KANK3: variants seen among roughly 807,000 people sequenced by gnomAD.
KANK3 encodes KN motif and ankyrin repeat domain-containing protein 3.
Under a neutral mutation model 65.4 loss-of-function variants are expected in KANK3, and 61 were observed. That is an observed-to-expected ratio of 0.93 (90% confidence interval 0.76 to 1.15). The LOEUF is 1.15. Ranked by LOEUF, KANK3 falls within the 50% of genes most tolerant of loss-of-function variation. The pLI, the probability that KANK3 is intolerant of heterozygous loss-of-function variation, is 0.00. For synonymous variants in KANK3, 586 were observed against 543.3 expected (o/e 1.08, Z -1.09); for missense variants, 1,187 against 1,178.8 (o/e 1.01, Z -0.10).
intron 7 of KANK3, among the ~76,000 whole-genome samples, chr19:8,325,336 G>A (rs896723945): frequency 2.0e-5 from 2 of 101,772 alleles, no homozygotes; most frequent in African/African-American, 4.1e-5. Context: ...ACATAGTCTC[G>A]CTCTGTCACC....
intron 7 of KANK3, among the ~76,000 whole-genome samples, chr19:8,329,302 C>A (rs1165213160): frequency 6.6e-6 from 1 of 151,084 alleles, no homozygotes; most frequent in African/African-American, 2.4e-5. Flanking sequence ...GCCTGGCCAA[C>A]ATGGTGAAAC....
At chr19:8,334,478 C>T (rs771717450) in intron 3 of KANK3, 22 bp downstream of exon 3, 1 of 1,608,558 alleles carries the variant, frequency 6.2e-7, no homozygotes, top group Non-Finnish European at 8.5e-7. Context: ...AGCCAGGGCC[C>T]AGCGACGGGG....
chr19:8,332,987 T>TGGGCCC, intron 7 of KANK3, 27 bp downstream of exon 7: 1 of 395,196 alleles, frequency 2.5e-6, no homozygotes, highest in Non-Finnish European at 4.8e-6. Context: ...TTTCCTGGTG[T>TGGGCCC]CCCACCCACC....
At chr19:8,331,220 G>T (rs560244481) in intron 7 of KANK3, among the ~76,000 whole-genome samples, 6 of 51,292 alleles carry the variant, frequency 1.2e-4, no homozygotes, top group African/African-American at 6.0e-4. Flanking sequence ...AAAAAGGGGT[G>T]GGGGGGGGAT....
Position 8,324,849 on chromosome 19 carries a change from G to A in KANK3, c.2083-19C>T. 1.2e-6 allele frequency: 2 copies of A among 1,605,932 alleles called. No individual in the cohort carries two copies. Among genetic ancestry groups the A allele is most frequent in the South Asian group, 1.1e-5 (1 of 90,882 alleles). ...GCCCCGTCTGGGGAGTGGGGAGGAA[G>A]AGGGAACAGGCTGGGGTAGGCTCAG... On this transcript the variant is annotated intron_variant, in intron 8 of 10. Transcript: ENST00000330915.
chr19:8,333,761 CGCT>C lies in KANK3; in HGVS notation c.1679_1681del (p.Gln560del). On this transcript the variant is annotated inframe_deletion, in exon 6 of 11. Transcript: ENST00000330915. The surrounding 1 kb of genome is among the most constrained non-coding windows in gnomAD (Gnocchi z 5.0). ...TACTCCGCGGGGCCGGCTCAGCTGC[CGCT>C]GCAGCGCTACGCACGCCTCCCTCAG... 6.7e-7 allele frequency: 1 copy of C among 1,490,372 alleles called. No individual in the cohort carries two copies. Among genetic ancestry groups the C allele is most frequent in the Non-Finnish European group, 9.0e-7 (1 of 1,117,118 alleles). 92.3% of individuals were successfully genotyped at this position (1,490,372 alleles called of 1,614,324 possible).
chr19:8,324,718 G>A lies in KANK3; in HGVS notation c.2195C>T (p.Ala732Val), dbSNP rs759934875. Residue 732 changes from alanine (A) to valine (V), a missense_variant, in exon 9 of 11, where the codon GCG (alanine) becomes GTG (valine). Transcript: ENST00000330915. ...VNAQDADGAT[A>V]LMCASEYGRL... The stretch of plus-strand genomic sequence containing the variant: ...CCCATACTCACTGGCACACATCAGC[G>A]CTGTGGCCCCATCCGCATCCTGCGC... 1.7e-5 allele frequency: 28 copies of A among 1,613,884 alleles called. No individual in the cohort carries two copies. In the Admixed American group the frequency reaches 3.0e-4, roughly 17 times the overall value.
rs932833003 is a variant in KANK3, at chr19:8,334,791, C to G, written c.1036G>C (p.Gly346Arg). The G allele has an allele frequency of 3.3e-6, 5 of 1,498,742 alleles. No homozygotes were observed. The highest frequency in any genetic ancestry group is 4.3e-5 in the Admixed American group (2 of 46,302). The allele number at this position is 1,498,742 out of a possible 1,614,324, so 92.8% of individuals were successfully genotyped here. The change falls in exon 3 of 11, where the codon GGG (glycine) becomes CGG (arginine). Residue 346 changes from glycine (G) to arginine (R), a missense_variant. Physicochemically the swap from Gly to Arg is moderately radical, Grantham distance 125. Transcript: ENST00000330915. ...TCGCGCTCGGCGGCCGCAGGCAGCC[C>G]CAGCAGCGCCTCGGTCACCCACGCG... ...ADAWVTEALL[G>R]LPAAAERELE...
intron 2 of KANK3, among the ~76,000 whole-genome samples, chr19:8,337,296 C>T (rs1183242209): frequency 3.2e-4 from 49 of 151,402 alleles, no homozygotes; most frequent in African/African-American, 1.1e-3. Context: ...CTCCGCCTCC[C>T]GGGTTCAAGC....
chr19:8,337,295 C>G (rs1297033503), intron 2 of KANK3, among the ~76,000 whole-genome samples: 1 of 151,210 alleles, frequency 6.6e-6, no homozygotes, highest in Non-Finnish European at 1.5e-5. Context: ...GCTCCGCCTC[C>G]CGGGTTCAAG....
chr19:8,322,658 C>T lies in KANK3; in HGVS notation c.*181G>A, dbSNP rs1970339121. The T allele has an allele frequency of 1.7e-6, 1 of 600,836 alleles. No homozygotes were observed. The highest frequency in any genetic ancestry group is 3.0e-6 in the Non-Finnish European group (1 of 337,982). The allele number at this position is 600,836 out of a possible 1,614,324, so 37.2% of individuals were successfully genotyped here. A position where few individuals can be genotyped will look rare whatever the true frequency, so the allele number is the denominator to read the frequency against. ...GGGCTCTATCACTTGGTCCCCACCT[C>T]ACCTTGGTGGGGCCAGAGTGAGCCC... is the stretch of plus-strand genomic sequence containing the variant. On this transcript the variant is annotated 3_prime_UTR_variant, in exon 11 of 11. Transcript: ENST00000330915.
intron 2 of KANK3, among the ~76,000 whole-genome samples, chr19:8,337,042 C>CT (rs35433382): frequency 0.45 from 67,565 of 150,578 alleles, 15,672 homozygotes; most frequent in African/African-American, 0.55. Context: ...TTGTTTTTTT[C>CT]TTTTTTTTGA....
At chr19:8,332,864 A>G in intron 7 of KANK3, 150 bp downstream of exon 7, 1 of 428,420 alleles carries the variant, frequency 2.3e-6, no homozygotes, top group Non-Finnish European at 4.1e-6. Context: ...TAAAATTAAA[A>G]TAAAATAAAA....
Position 8,324,722 on chromosome 19 carries a change from T to C in KANK3, c.2191A>G (p.Thr731Ala), listed in dbSNP as rs753136339. 5.0e-6 allele frequency: 8 copies of C among 1,613,870 alleles called. No homozygotes were observed. Among genetic ancestry groups the C allele is most frequent in the African/African-American group, 1.3e-5 (1 of 74,952 alleles). ...TACTCACTGGCACACATCAGCGCTG[T>C]GGCCCCATCCGCATCCTGCGCATTC... ...DVNAQDADGA[T>A]ALMCASEYGR... The change falls in exon 9 of 11, where the codon ACA becomes GCA. Residue 731 changes from threonine (T) to alanine (A), a missense_variant. Physicochemically the swap from Thr to Ala is moderately conservative, Grantham distance 58. Coordinates refer to ENST00000330915, the MANE Select transcript of KANK3 (RefSeq NM_198471.3).
In KANK3 at chr19:8,333,925, T is replaced by A. The variant is rs772637643; in HGVS notation, c.1619A>T (p.Gln540Leu). 128 of 1,579,074 alleles carry A rather than the reference T, an allele frequency of 8.1e-5. 1 individual carries two copies. In the African/African-American group the frequency reaches 1.4e-3, roughly 17 times the overall value. The change falls in exon 5 of 11, where the codon CAG becomes CTG. Residue 540 changes from glutamine (Q) to leucine (L), a missense_variant. Coordinates refer to ENST00000330915, the MANE Select transcript of KANK3 (RefSeq NM_198471.3). The surrounding 1 kb of genome is among the most constrained non-coding windows in gnomAD (Gnocchi z 5.0). ...CGCCGCTCACCTCCCCTGTGCCACC[T>A]GCTGAGGCTCTGCCTCCGCCTCGGG... Reference protein sequence around the residue: ...PEPEAEAEPQQVAQGRCELSP... With the variant: ...PEPEAEAEPQLVAQGRCELSP...
Position 8,333,816 on chromosome 19 carries a change from G to C in KANK3, c.1635-8C>G, listed in dbSNP as rs1465669306. 23 of 1,543,206 alleles carry C rather than the reference G, an allele frequency of 1.5e-5. No homozygotes were observed. In the Middle Eastern group the frequency reaches 6.8e-4, roughly 46 times the overall value. On this transcript the variant is annotated splice_polypyrimidine_tract_variant and splice_region_variant and intron_variant, in intron 5 of 10. Transcript: ENST00000330915. This position sits in a 1 kb window ranked among gnomAD's most constrained non-coding sequence, Gnocchi z 5.0. ...CGCGGGCTCAGCTCGCACCTGCAGAGGAGGCCAGGAGAGACTCAGGATGGA... is the reference window on the plus strand; with the variant it reads ...CGCGGGCTCAGCTCGCACCTGCAGACGAGGCCAGGAGAGACTCAGGATGGA...
chr19:8,325,551 G>A (rs1413212383), intron 7 of KANK3, among the ~76,000 whole-genome samples: 1 of 151,888 alleles, frequency 6.6e-6, no homozygotes, highest in Non-Finnish European at 1.5e-5. Flanking sequence ...GGAATTAGAG[G>A]CATGAGCCAC....
In KANK3 at chr19:8,335,008, G is replaced by A; in HGVS notation, c.819C>T (p.Asp273=). 1 of 1,469,218 alleles carries A rather than the reference G, an allele frequency of 6.8e-7. No individual in the cohort carries two copies. The highest frequency in any genetic ancestry group is 8.9e-7 in the Non-Finnish European group (1 of 1,120,080). 91.0% of individuals were successfully genotyped at this position (1,469,218 alleles called of 1,614,324 possible). The change falls in exon 3 of 11, where the codon GAC becomes GAT. Residue 273 remains aspartate, a synonymous_variant. Transcript: ENST00000330915. ...CCTCGCTGCGCCCTGCAGCCAGGCC[G>A]TCTGGGCTGTCAGCCCGGGGGCTGG... ...ARASPRADSP[D]GLAAGRSEGA... is the part of the protein sequence containing the mutation.
intron 7 of KANK3, among the ~76,000 whole-genome samples, chr19:8,331,206 A>G (rs1183619536): frequency 1.7e-5 from 2 of 119,716 alleles, no homozygotes; most frequent in Non-Finnish European, 3.4e-5. Context: ...AAACAACAAC[A>G]ACAAAAAAGG....
Sources: gnomAD v4.1 joint callset for allele counts (sites outside exome capture counted in the v4.1 genomes callset) on GRCh38, gnomAD v4.1.1 for gene constraint, Gnocchi (gnomAD v3.1) non-coding constraint, MANE v1.5 for transcripts, NCBI Gene and HGNC (gene_info 2026-07-23, HGNC 2026-07-21) for gene names.